Variants in NTM observed in about 807,000 individuals in gnomAD.
The protein encoded by NTM is IgLON family member 2.
A neutral mutation model predicts 42.1 loss-of-function variants in NTM; 13 were observed. The ratio of observed to expected loss-of-function variants is 0.31; its 90% CI spans 0.20 to 0.49. The LOEUF (loss-of-function observed/expected upper bound fraction) is 0.49, where lower values mean the gene tolerates loss of function less well. Ranked by LOEUF, NTM falls within the 20% of genes least tolerant of loss-of-function variation. The pLI is 0.99. For missense variants in NTM, 373 were observed against 452.8 expected, an observed-to-expected ratio of 0.82 and a Z score of 1.60; for synonymous variants, 187 against 179.2, an observed-to-expected ratio of 1.04 and a Z score of -0.35.
At chr11:131,925,423 C>T (rs536862987) in intron 2 of NTM, among the ~76,000 whole-genome samples, 47 of 133,322 alleles carry the variant, frequency 3.5e-4, no homozygotes, top group Admixed American at 1.4e-3. Flanking sequence ...CTCGCTCTGT[C>T]ACCCAGGCTG....
intron 2 of NTM, among the ~76,000 whole-genome samples, chr11:132,101,156 T>C (rs4255550): frequency 0.69 from 104,858 of 151,962 alleles, 36,872 homozygotes; most frequent in African/African-American, 0.76. Flanking sequence ...CCTACCTCTA[T>C]GGACTTGAGT....
At chr11:131,665,954 C>T (rs143165084) in intron 1 of NTM, among the ~76,000 whole-genome samples, 103 of 152,318 alleles carry the variant, frequency 6.8e-4, no homozygotes, top group African/African-American at 2.1e-3. Flanking sequence ...TTTTAAGACA[C>T]GCATTGCTCA....
rs1268872711 is a variant in NTM at position 132,032,586 on chromosome 11, T to G, written c.168-113696T>G. Among the ~76,000 whole-genome samples the G allele has an allele frequency of 1.1e-4, 16 of 152,200 alleles. 1 individual carries two copies. Among genetic ancestry groups the G allele is most frequent in the Admixed American group, 9.8e-4 (15 of 15,284 alleles). ...CCATCGCTCTTCCTCTGTGTCTTAGTGACTAGGACCTTCTTGTAGGTGTCA... is the reference window on the plus strand; with the variant it reads ...CCATCGCTCTTCCTCTGTGTCTTAGGGACTAGGACCTTCTTGTAGGTGTCA... On this transcript the variant is annotated intron_variant, in intron 2 of 8. Coordinates refer to ENST00000683400, the MANE Select transcript of NTM (RefSeq NM_001352005.2).
intron 4 of NTM, among the ~76,000 whole-genome samples, chr11:132,224,871 G>C (rs947407887): frequency 1.3e-5 from 2 of 152,218 alleles, no homozygotes; most frequent in African/African-American, 4.8e-5. Context: ...CAGGTTTCTG[G>C]TTTGGCCTCC....
chr11:131,683,569 A>T (rs1477735485), intron 1 of NTM, among the ~76,000 whole-genome samples: 1 of 152,244 alleles, frequency 6.6e-6, no homozygotes, highest in Non-Finnish European at 1.5e-5. Context: ...TAGTTGCAGA[A>T]ATAGACCCTG....
intron 1 of NTM, among the ~76,000 whole-genome samples, chr11:131,690,769 A>C (rs1192892129): frequency 6.6e-6 from 1 of 152,194 alleles, no homozygotes; most frequent in East Asian, 1.9e-4. Context: ...ACAAAATGGG[A>C]GGATTCCTCC....
chr11:132,189,740 G>A (rs141302135), intron 3 of NTM, among the ~76,000 whole-genome samples: 23 of 152,226 alleles, frequency 1.5e-4, no homozygotes, highest in African/African-American at 5.5e-4. Flanking sequence ...TGTGTCAATA[G>A]TTATGTCATA....
intron 1 of NTM, among the ~76,000 whole-genome samples, chr11:131,524,692 A>T (rs935469788): frequency 6.6e-6 from 1 of 152,226 alleles, no homozygotes; most frequent in Non-Finnish European, 1.5e-5. Flanking sequence ...CTGAGACGTA[A>T]TTTAGCAAAT....
chr11:131,937,865 T>TA (rs750395036), intron 2 of NTM, among the ~76,000 whole-genome samples: 14 of 152,176 alleles, frequency 9.2e-5, no homozygotes, highest in Non-Finnish European at 1.9e-4. Flanking sequence ...AAAGGGCGGG[T>TA]AAAAAATGAG....
At chr11:131,931,526 CCACA>C (rs2058626110) in intron 2 of NTM, among the ~76,000 whole-genome samples, 1 of 147,440 alleles carries the variant, frequency 6.8e-6, no homozygotes, top group South Asian at 2.2e-4. Flanking sequence ...TTCCTTTTGA[CCACA>C]CACTGATTTG....
rs529836120 is a variant in NTM, at chr11:131,986,665, TG to T, written c.167+75019del. Reference sequence around the variant, plus strand: ...ACATTTTCCTTAACACTTTAGCTGCTGGCATGTGACTTATTTATTTGGTTTG... The same window carrying T: ...ACATTTTCCTTAACACTTTAGCTGCTGCATGTGACTTATTTATTTGGTTTG... On this transcript the variant is annotated intron_variant, in intron 2 of 8. Transcript: ENST00000683400. 4.4e-3 allele frequency among the ~76,000 whole-genome samples: 669 copies of T among 152,348 alleles called. 9 individuals carry two copies. The highest frequency in any genetic ancestry group is 0.015 in the African/African-American group (627 of 41,578).
At chr11:131,696,410 C>T (rs946170438) in intron 1 of NTM, among the ~76,000 whole-genome samples, 3 of 152,182 alleles carry the variant, frequency 2.0e-5, no homozygotes, top group Non-Finnish European at 4.4e-5. Flanking sequence ...TTACTAGGCT[C>T]CAAAGAGGAA....
At chr11:131,816,234 C>G (rs1481357006) in intron 1 of NTM, among the ~76,000 whole-genome samples, 2 of 152,146 alleles carry the variant, frequency 1.3e-5, no homozygotes, top group African/African-American at 4.8e-5. Context: ...AGTCACTCAT[C>G]ATGAAAGCAT....
intron 2 of NTM, among the ~76,000 whole-genome samples, chr11:131,931,394 G>A (rs1235063272): frequency 6.6e-6 from 1 of 151,860 alleles, no homozygotes; most frequent in Non-Finnish European, 1.5e-5. Context: ...AACCGAGATG[G>A]CGCCACTGCA....
rs150151753 is a variant in NTM, at chr11:132,064,413, G to C, written c.168-81869G>C. 6.3e-3 allele frequency among the ~76,000 whole-genome samples: 959 copies of C among 152,182 alleles called. 7 individuals are homozygous for C. Among genetic ancestry groups the C allele is most frequent in the African/African-American group, 0.022 (912 of 41,516 alleles). ...TAATTGTGAAATTGCCATTAAGTTA[G>C]GTACATGTTACATGCATTGAAATAT... On this transcript the variant is annotated intron_variant, in intron 2 of 8. Coordinates refer to ENST00000683400, the MANE Select transcript of NTM (RefSeq NM_001352005.2).
intron 2 of NTM, among the ~76,000 whole-genome samples, chr11:131,944,818 G>A (rs925591755): frequency 6.6e-6 from 1 of 152,166 alleles, no homozygotes; most frequent in Admixed American, 6.5e-5. Context: ...TCATGCCACG[G>A]CATCACCATT....
chr11:131,550,189 T>G (rs745543182), intron 1 of NTM, among the ~76,000 whole-genome samples: 13 of 152,312 alleles, frequency 8.5e-5, no homozygotes, highest in Middle Eastern at 3.4e-3. Flanking sequence ...ACACCTTACG[T>G]GAAATGTGTT....
intron 4 of NTM, among the ~76,000 whole-genome samples, chr11:132,266,258 G>T (rs2139615158): frequency 6.6e-6 from 1 of 152,290 alleles, no homozygotes; most frequent in East Asian, 1.9e-4. Context: ...CGCAAGTCCA[G>T]CTGTGTCGCC....
intron 1 of NTM, among the ~76,000 whole-genome samples, chr11:131,593,633 G>A (rs907905348): frequency 4.6e-5 from 7 of 152,214 alleles, no homozygotes; most frequent in African/African-American, 1.7e-4. Context: ...TGAGAAAACT[G>A]AACCCAAGTA....
Sources: gnomAD v4.1 joint callset for allele counts (sites outside exome capture counted in the v4.1 genomes callset) on GRCh38, gnomAD v4.1.1 for gene constraint, MANE v1.5 for transcripts, NCBI Gene and HGNC (gene_info 2026-07-23, HGNC 2026-07-21) for gene names.